Variants in SCN11A observed in about 807,000 individuals in gnomAD.
The protein encoded by SCN11A is sodium channel protein type 11 subunit alpha.
SCN11A carries 122 observed loss-of-function variants against 162.2 expected under a neutral mutation model. The observed-to-expected ratio is 0.75, with a 90% CI of 0.65 to 0.87. The LOEUF (loss-of-function observed/expected upper bound fraction) is 0.87. Among genes scored for constraint, SCN11A ranks in the 40% least tolerant of loss-of-function variants. SCN11A has a pLI of 0.00. For missense variants in SCN11A, 2,015 were observed against 2,181.6 expected (o/e 0.92, Z 1.52); for synonymous variants, 758 against 751.5 (o/e 1.01, Z -0.14).
chr3:38,913,851 A>T (rs1013992101), intron 11 of SCN11A, among the ~76,000 whole-genome samples: 4 of 152,074 alleles, frequency 2.6e-5, no homozygotes, highest in African/African-American at 9.7e-5. Flanking sequence ...ATTGATCTAT[A>T]TGACTGTTTT....
chr3:38,943,387 A>G (rs565915520), intron 7 of SCN11A, among the ~76,000 whole-genome samples: 2 of 152,288 alleles, frequency 1.3e-5, no homozygotes, highest in Admixed American at 6.5e-5. Context: ...TGGTCTATAT[A>G]TCGATTGCAG....
chr3:39,043,278 T>C (rs1258451899), intron 1 of SCN11A, among the ~76,000 whole-genome samples: 1 of 152,026 alleles, frequency 6.6e-6, no homozygotes, highest in Non-Finnish European at 1.5e-5. Flanking sequence ...AAACTAAAAA[T>C]AGGGCTACCA....
chr3:38,898,489 T>C (rs928694195), intron 17 of SCN11A, among the ~76,000 whole-genome samples: 4 of 152,208 alleles, frequency 2.6e-5, no homozygotes. Context: ...CTGCATTATA[T>C]AATTCAGGCC....
Position 38,847,243 on chromosome 3 carries a change from T to C in SCN11A, c.4827A>G (p.Thr1609=). The C allele has an allele frequency of 6.2e-7, 1 of 1,614,158 alleles. No individual in the cohort carries two copies. Among genetic ancestry groups the C allele is most frequent in the Non-Finnish European group, 8.5e-7 (1 of 1,179,982 alleles). Residue 1609 remains threonine, a synonymous_variant, in exon 30 of 30, where the codon ACA becomes ACG. Transcript: ENST00000302328. ...YIAVILENFN[T]ATEESEDPLG... is the part of the protein sequence containing the mutation. Reference sequence around the variant, plus strand: ...AAGGGTCCTCACTTTCTTCAGTGGCTGTATTGAAGTTCTCTAAAATCACAG... The same window carrying C: ...AAGGGTCCTCACTTTCTTCAGTGGCCGTATTGAAGTTCTCTAAAATCACAG...
chr3:38,902,415 TGAG>T (rs2065716106), intron 16 of SCN11A, among the ~76,000 whole-genome samples: 1 of 152,160 alleles, frequency 6.6e-6, no homozygotes, highest in South Asian at 2.1e-4. Flanking sequence ...AGACTGCCTG[TGAG>T]GAGAACCACC....
chr3:38,906,000 C>T (rs1375773018), intron 14 of SCN11A, among the ~76,000 whole-genome samples: 1 of 152,204 alleles, frequency 6.6e-6, no homozygotes, highest in Non-Finnish European at 1.5e-5. Context: ...GGTTCCGACT[C>T]ACCAGAGCCC....
At chr3:39,032,622 TTTTAAA>T (rs1201419878) in intron 1 of SCN11A, among the ~76,000 whole-genome samples, 119 bp from the exon 2 acceptor site, 1 of 152,174 alleles carries the variant, frequency 6.6e-6, no homozygotes, top group Non-Finnish European at 1.5e-5. Flanking sequence ...ATTTGAAAAT[TTTTAAA>T]AAGTGATAGA....
chr3:38,994,064 C>G (rs1047975144), intron 2 of SCN11A, among the ~76,000 whole-genome samples: 1 of 152,202 alleles, frequency 6.6e-6, no homozygotes, highest in Non-Finnish European at 1.5e-5. Context: ...TCATTCTCCT[C>G]TGTCCTCAAC....
chr3:38,927,469 C>T (rs1457819272), intron 7 of SCN11A, among the ~76,000 whole-genome samples: 1 of 151,930 alleles, frequency 6.6e-6, no homozygotes, highest in Non-Finnish European at 1.5e-5. Context: ...TTCTAAAATT[C>T]ATATGGAATT....
chr3:38,870,811 G>A, intron 25 of SCN11A, 67 bp from the exon 26 acceptor site: 1 of 1,412,658 alleles, frequency 7.1e-7, no homozygotes, highest in Non-Finnish European at 1.0e-6. Flanking sequence ...TACATGGCAT[G>A]GAAAAGCAGG....
At chr3:38,952,743 G>A (rs1214412882) in intron 4 of SCN11A, among the ~76,000 whole-genome samples, 1 of 152,226 alleles carries the variant, frequency 6.6e-6, no homozygotes, top group Non-Finnish European at 1.5e-5. Context: ...ACCTGAAGGA[G>A]ATGTAAGACT....
At chr3:38,914,863 T>C (rs992685236) in intron 11 of SCN11A, among the ~76,000 whole-genome samples, 7 of 152,218 alleles carry the variant, frequency 4.6e-5, no homozygotes, top group African/African-American at 1.7e-4. Flanking sequence ...TTTAATGTGC[T>C]GCTGGATTAG....
chr3:38,931,303 A>G (rs1460236512), intron 7 of SCN11A, among the ~76,000 whole-genome samples: 3 of 152,216 alleles, frequency 2.0e-5, no homozygotes, highest in Non-Finnish European at 4.4e-5. Context: ...GTCCCTACAA[A>G]GACACCACCT....
Position 38,950,758 on chromosome 3 carries a change from T to C in SCN11A, c.-7-389A>G, listed in dbSNP as rs150766376. On this transcript the variant is annotated intron_variant, in intron 4 of 29. Coordinates refer to ENST00000302328, the MANE Select transcript of SCN11A (RefSeq NM_001349253.2). Reference sequence around the variant, plus strand: ...TGCAAGTAGCAGGCAAGTGGCCACATGGCCCAAACAAGAGAAAAAGGAACA... The same window carrying C: ...TGCAAGTAGCAGGCAAGTGGCCACACGGCCCAAACAAGAGAAAAAGGAACA... Among the ~76,000 whole-genome samples, 717 of 152,294 alleles carry C rather than the reference T, an allele frequency of 4.7e-3. 2 individuals carry two copies. Among genetic ancestry groups the C allele is most frequent in the Middle Eastern group, 6.8e-3 (2 of 294 alleles).
intron 5 of SCN11A, among the ~76,000 whole-genome samples, chr3:38,947,781 T>C (rs1259148066): frequency 2.0e-5 from 3 of 152,254 alleles, no homozygotes; most frequent in African/African-American, 7.2e-5. Context: ...CCTTTTTCCA[T>C]GTAACTGTAA....
chr3:39,006,853 G>A (rs1260843611), intron 2 of SCN11A, among the ~76,000 whole-genome samples: 2 of 151,898 alleles, frequency 1.3e-5, no homozygotes, highest in East Asian at 3.9e-4. Flanking sequence ...AGCATTCAGA[G>A]GACTTTAATG....
At chr3:38,968,864 G>T (rs2066799707) in intron 2 of SCN11A, among the ~76,000 whole-genome samples, 1 of 152,202 alleles carries the variant, frequency 6.6e-6, no homozygotes, top group African/African-American at 2.4e-5. Flanking sequence ...ATGATCAGGA[G>T]TTAACACTTT....
intron 2 of SCN11A, among the ~76,000 whole-genome samples, chr3:38,974,350 A>G (rs2066834590): frequency 6.6e-6 from 1 of 152,212 alleles, no homozygotes; most frequent in Admixed American, 6.5e-5. Context: ...CAGGAATACA[A>G]AATGATGCAA....
intron 7 of SCN11A, among the ~76,000 whole-genome samples, chr3:38,927,522 A>G (rs987822449): frequency 7.9e-5 from 12 of 152,222 alleles, no homozygotes; most frequent in Admixed American, 1.3e-4. Flanking sequence ...AAAAAAAACA[A>G]ATTGTGAGGT....
Sources: allele counts gnomAD v4.1 joint callset (sites outside exome capture counted in the v4.1 genomes callset), GRCh38; gene constraint gnomAD v4.1.1; transcripts MANE v1.5; gene names NCBI Gene and HGNC (gene_info 2026-07-23, HGNC 2026-07-21).